The following MROH2A variants were observed in gnomAD, a reference collection of about 807,000 sequenced individuals.
MROH2A encodes the protein maestro heat like repeat family member 2A.
MROH2A carries 174 observed loss-of-function variants against 200.4 expected under a neutral mutation model. That is an observed-to-expected ratio of 0.87 (90% CI 0.77 to 0.98). MROH2A has a LOEUF of 0.98. Ranked by LOEUF, MROH2A falls within the 50% of genes least tolerant of loss-of-function variation. MROH2A has a pLI of 0.00. For missense variants in MROH2A, 2,045 were observed against 2,139.6 expected (o/e 0.96, Z 0.87); for synonymous variants, 829 against 840.4 (o/e 0.99, Z 0.23).
Position 233,819,036 on chromosome 2 carries a change from A to C in MROH2A, c.3204+266A>C, listed in dbSNP as rs11563014. Among the ~76,000 whole-genome samples the C allele has an allele frequency of 6.1e-3, 935 of 152,346 alleles. 60 individuals are homozygous for C. In the East Asian group the frequency reaches 0.14, roughly 23 times the overall value. On this transcript the variant is annotated intron_variant, in intron 29 of 41. Coordinates refer to ENST00000389758, the MANE Select transcript of MROH2A (RefSeq NM_001394639.1). ...TGTGATGTGCCACACTGAGTGCTGA[A>C]AGGGCCATGGGAATGATCTGGACAG...
Position 233,833,363 on chromosome 2 carries a change from A to G in MROH2A, c.*104A>G, listed in dbSNP as rs556204023. The G allele has an allele frequency of 1.6e-6, 2 of 1,219,060 alleles. No individual in the cohort carries two copies. The highest frequency in any genetic ancestry group is 2.8e-5 in the East Asian group (1 of 36,348). The allele number at this position is 1,219,060 out of a possible 1,614,324, so 75.5% of individuals were successfully genotyped here. A position where few individuals can be genotyped will look rare whatever the true frequency, so the allele number is the denominator to read the frequency against. On this transcript the variant is annotated 3_prime_UTR_variant, in exon 42 of 42. Transcript: ENST00000389758. ...GTTTGTAGGAAAAACACTATTGTAAAATAACTAGTATCCTTTTGTTTCCTT... is the reference window on the plus strand; with the variant it reads ...GTTTGTAGGAAAAACACTATTGTAAGATAACTAGTATCCTTTTGTTTCCTT...
intron 21 of MROH2A, 150 bp from the exon 22 acceptor site, chr2:233,808,976 C>T (rs544659715): frequency 2.3e-5 from 18 of 791,984 alleles, no homozygotes; most frequent in Middle Eastern, 2.9e-4. Context: ...CATGAAAATA[C>T]GATGAACATT....
chr2:233,775,725 G>T (rs1445776533), upstream of MROH2A: 1 of 152,188 alleles, frequency 6.6e-6, no homozygotes, highest in African/African-American at 2.4e-5. Flanking sequence ...CTTGTGAGCC[G>T]GGCAGAATCC....
Position 233,807,433 on chromosome 2 carries a change from A to G in MROH2A, c.2063A>G (p.Tyr688Cys), listed in dbSNP as rs1200126538. 2 of 1,550,460 alleles carry G rather than the reference A, an allele frequency of 1.3e-6. No homozygotes were observed. The highest frequency in any genetic ancestry group is 2.4e-5 in the East Asian group (1 of 40,918). Residue 688 changes from tyrosine to cysteine, a missense_variant, in exon 20 of 42, where the codon TAC becomes TGC. Tyr to Cys is a radical substitution (Grantham distance 194). Coordinates refer to ENST00000389758, the MANE Select transcript of MROH2A (RefSeq NM_001394639.1). The surrounding 1 kb of genome is among the most constrained non-coding windows in gnomAD (Gnocchi z 4.3). The stretch of plus-strand genomic sequence containing the variant: ...CTTCTGCCTCTCCAGGGCTTTCTGT[A>G]CCGGGCCTTGGGCTTCACCTTGGCC... ...DSPSLEKGFL[Y>C]RALGFTLATG... is the part of the protein sequence containing the mutation.
intron 26 of MROH2A, among the ~76,000 whole-genome samples, chr2:233,816,409 C>T (rs1703532828): frequency 6.6e-6 from 1 of 152,192 alleles, no homozygotes; most frequent in Admixed American, 6.5e-5. Context: ...GGTTGATGAA[C>T]TGACCCTTAT....
intron 3 of MROH2A, among the ~76,000 whole-genome samples, chr2:233,781,591 C>T (rs546672538): frequency 3.8e-4 from 58 of 152,002 alleles, no homozygotes; most frequent in African/African-American, 1.3e-3. Context: ...GATTTTTTTG[C>T]TATTGAGTTG....
intron 3 of MROH2A, among the ~76,000 whole-genome samples, chr2:233,787,700 CATATAAACAT>C (rs1701329885): frequency 1.3e-4 from 3 of 23,142 alleles, no homozygotes; most frequent in Non-Finnish European, 2.3e-4. Context: ...TTATATATAT[CATATAAACAT>C]ATATATTATA....
At chr2:233,813,632 C>A in intron 24 of MROH2A, 38 bp from the exon 25 acceptor site, 1 of 1,339,380 alleles carries the variant, frequency 7.5e-7, no homozygotes. Context: ...CTCAACTCCC[C>A]AATGACTGTT....
In MROH2A at chr2:233,812,022, C is replaced by T. The variant is rs200377474; in HGVS notation, c.2651+63C>T. The T allele has an allele frequency of 1.0e-4, 119 of 1,136,748 alleles. No homozygotes were observed. In the East Asian group the frequency reaches 2.4e-3, roughly 23 times the overall value. The allele number at this position is 1,136,748 out of a possible 1,614,324, so 70.4% of individuals were successfully genotyped here. ...TAGGGAAAAGTTCAAGACCATTCCT[C>T]GGTGCTCCTTCAGGGGTTGTGCCTC... is the stretch of plus-strand genomic sequence containing the variant. On this transcript the variant is annotated intron_variant, in intron 24 of 41. Coordinates refer to ENST00000389758, the MANE Select transcript of MROH2A (RefSeq NM_001394639.1).
Position 233,831,427 on chromosome 2 carries a change from T to A in MROH2A, c.4621T>A (p.Phe1541Ile), listed in dbSNP as rs1462873375. ...CCTGCAGGCCTGTATGGCTACCATG[T>A]TTCAGTGTGTGCACTTCTGGGGCTG... ...NAAQACMATM[F>I]QCVHFWGWKS... The change falls in exon 39 of 42, where the codon TTT becomes ATT. Residue 1541 changes from phenylalanine to isoleucine, a missense_variant. This residue lies in a region of MROH2A where 1,201 missense variants were observed against 1,311.3 expected (regional missense o/e 0.92). Coordinates refer to ENST00000389758, the MANE Select transcript of MROH2A (RefSeq NM_001394639.1). 3 of 1,550,266 alleles carry A rather than the reference T, an allele frequency of 1.9e-6. No homozygotes were observed. The highest frequency in any genetic ancestry group is 3.9e-5 in the Admixed American group (2 of 50,934).
intron 34 of MROH2A, among the ~76,000 whole-genome samples, 188 bp downstream of exon 34, chr2:233,823,206 C>G (rs534760479): frequency 2.0e-5 from 3 of 152,328 alleles, no homozygotes; most frequent in South Asian, 4.1e-4. Flanking sequence ...TTATTCGAAC[C>G]CTTCCTGCTC....
At chr2:233,775,758 G>C (rs1051972107), upstream of MROH2A, 1 of 152,254 alleles carries the variant, frequency 6.6e-6, no homozygotes, top group Non-Finnish European at 1.5e-5. Context: ...CTGCCTCTGG[G>C]TGAGTCATAT....
intron 3 of MROH2A, among the ~76,000 whole-genome samples, chr2:233,783,693 G>A (rs957487665): frequency 6.6e-5 from 10 of 151,998 alleles, no homozygotes; most frequent in African/African-American, 2.4e-4. Flanking sequence ...TTACAGGCAC[G>A]CACCACCATG....
chr2:233,803,429 T>C lies in MROH2A; in HGVS notation c.1709-19T>C. On this transcript the variant is annotated intron_variant, in intron 15 of 41. Transcript: ENST00000389758. ...ACAAGCCAGGAAGGCTCAGCTGGGG[T>C]TGCATTTCCTTCAATCAGTGGACCT... The C allele has an allele frequency of 6.5e-7, 1 of 1,550,358 alleles. No homozygotes were observed.
chr2:233,822,360 C>G lies in MROH2A; in HGVS notation c.3673-3C>G, dbSNP rs1365853923. On this transcript the variant is annotated splice_polypyrimidine_tract_variant and splice_region_variant and intron_variant, in intron 32 of 41. Transcript: ENST00000389758. ...CCCGATGCCCTGGACCTTCTCTCTG[C>G]AGACCCTGTGCACCATCCACCTTCT... 11 of 1,550,568 alleles carry G rather than the reference C, an allele frequency of 7.1e-6. No individual in the cohort carries two copies. The highest frequency in any genetic ancestry group is 9.6e-6 in the Non-Finnish European group (11 of 1,146,786).
intron 5 of MROH2A, among the ~76,000 whole-genome samples, chr2:233,792,069 C>T (rs1330457501): frequency 6.6e-6 from 1 of 152,116 alleles, no homozygotes; most frequent in Non-Finnish European, 1.5e-5. Context: ...CACCTGCTGT[C>T]TCCCTGCTTC....
chr2:233,803,594 A>C, intron 16 of MROH2A, 106 bp downstream of exon 16: 1 of 1,168,588 alleles, frequency 8.6e-7, no homozygotes, highest in Non-Finnish European at 1.2e-6. Context: ...GAGGAAGCTG[A>C]GGTGCAATGA....
chr2:233,793,828 A>G lies in MROH2A; in HGVS notation c.822+4A>G. Reference sequence around the variant, plus strand: ...GCTGAGGCACTACAACCCCGAGGTGAGATGCACCCCTCTTAGGAGGGCCTG... The same window carrying G: ...GCTGAGGCACTACAACCCCGAGGTGGGATGCACCCCTCTTAGGAGGGCCTG... On this transcript the variant is annotated splice_donor_region_variant and intron_variant, in intron 7 of 41. Transcript: ENST00000389758. 1 of 1,403,760 alleles carries G rather than the reference A, an allele frequency of 7.1e-7. No homozygotes were observed. Among genetic ancestry groups the G allele is most frequent in the Non-Finnish European group, 9.3e-7 (1 of 1,074,530 alleles). 87.0% of individuals were successfully genotyped at this position (1,403,760 alleles called of 1,614,324 possible). A position where few individuals can be genotyped will look rare whatever the true frequency, so the allele number is the denominator to read the frequency against.
At chr2:233,802,901 C>T (rs1702559297) in intron 15 of MROH2A, among the ~76,000 whole-genome samples, 1 of 152,224 alleles carries the variant, frequency 6.6e-6, no homozygotes, top group Admixed American at 6.5e-5. Context: ...TCTAAACAAG[C>T]TGGCCAGTCA....
Sources: allele counts gnomAD v4.1 joint callset (sites outside exome capture counted in the v4.1 genomes callset), GRCh38; gene constraint gnomAD v4.1.1; regional missense constraint gnomAD v4.1.1; non-coding constraint Gnocchi (gnomAD v3.1); transcripts MANE v1.5; gene names NCBI Gene and HGNC (gene_info 2026-07-23, HGNC 2026-07-21).